The following SAMD8 variants were observed in gnomAD, a reference collection of about 807,000 sequenced individuals.
The protein encoded by SAMD8 is sphingomyelin synthase-related protein 1.
In SAMD8, 20 loss-of-function variants were observed where a neutral mutation model predicts 42.0. That is an observed-to-expected ratio of 0.48 (90% CI 0.34 to 0.69). SAMD8 has a LOEUF of 0.69. Among genes scored for constraint, SAMD8 ranks in the 30% least tolerant of loss-of-function variants. The pLI, the probability that SAMD8 is intolerant of heterozygous loss-of-function variation, is 0.01. For synonymous variants in SAMD8, 162 were observed against 173.0 expected (o/e 0.94, Z 0.50); for missense variants, 328 against 511.6 (o/e 0.64, Z 3.46).
chr10:75,102,409 C>T (rs539258287), intron 1 of SAMD8, among the ~76,000 whole-genome samples: 2 of 152,054 alleles, frequency 1.3e-5, no homozygotes, highest in Non-Finnish European at 2.9e-5. Flanking sequence ...CGCCACTGCA[C>T]TCCAGCCTGG....
intron 1 of SAMD8, among the ~76,000 whole-genome samples, chr10:75,145,426 C>T (rs1255174539): frequency 2.0e-5 from 3 of 152,116 alleles, no homozygotes; most frequent in African/African-American, 7.2e-5. Context: ...TGAATAGATT[C>T]CAGACATTAT....
chr10:75,158,052 G>A (rs201835996), intron 2 of SAMD8, among the ~76,000 whole-genome samples: 14 of 151,806 alleles, frequency 9.2e-5, no homozygotes, highest in African/African-American at 3.1e-4. Flanking sequence ...CCAGCTACTC[G>A]GGAGGCTGAG....
intron 1 of SAMD8, among the ~76,000 whole-genome samples, chr10:75,135,052 C>T (rs1421489468): frequency 6.6e-6 from 1 of 151,584 alleles, no homozygotes; most frequent in Non-Finnish European, 1.5e-5. Context: ...GAGAACAAGA[C>T]CCTGTCTCTA....
intron 2 of SAMD8, among the ~76,000 whole-genome samples, chr10:75,160,259 C>T (rs998419851): frequency 2.6e-5 from 4 of 151,948 alleles, no homozygotes; most frequent in African/African-American, 4.8e-5. Context: ...TGCAGTGGCG[C>T]GATCTCGGCT....
Position 75,152,261 on chromosome 10 carries a change from G to A in SAMD8, c.578+1155G>A, listed in dbSNP as rs184302923. ...AATAGGGCCGGGCGCGGTGGCTCAC[G>A]CCTGTAATCCCAGCACTTTGGGAGG... On this transcript the variant is annotated intron_variant, in intron 2 of 5. Coordinates refer to ENST00000542569, the MANE Select transcript of SAMD8 (RefSeq NM_001174156.2). 3.4e-3 allele frequency among the ~76,000 whole-genome samples: 516 copies of A among 151,398 alleles called. 2 individuals carry two copies. The highest frequency in any genetic ancestry group is 0.011 in the African/African-American group (472 of 41,450).
chr10:75,175,424 T>C (rs535214950), intron 4 of SAMD8, among the ~76,000 whole-genome samples: 2 of 152,318 alleles, frequency 1.3e-5, no homozygotes, highest in East Asian at 1.9e-4. Context: ...TACTGTGATA[T>C]TGGATTAAAA....
At chr10:75,103,789 T>G (rs1285874768) in intron 1 of SAMD8, 4 of 926,280 alleles carry the variant, frequency 4.3e-6, no homozygotes, top group Non-Finnish European at 5.8e-6. Flanking sequence ...ATCACAAATA[T>G]CTGGAACCCC....
At chr10:75,170,314 G>T (rs1840819350) in intron 4 of SAMD8, among the ~76,000 whole-genome samples, 1 of 152,182 alleles carries the variant, frequency 6.6e-6, no homozygotes, top group South Asian at 2.1e-4. Flanking sequence ...GTTTGTAACA[G>T]CATTCACGTT....
chr10:75,119,396 A>G (rs7072667), intron 1 of SAMD8, among the ~76,000 whole-genome samples: 28,689 of 152,030 alleles, frequency 0.19, 2,946 homozygotes, highest in East Asian at 0.26. Context: ...ACCTCAGGTG[A>G]CCTGCCCGCC....
At chr10:75,141,220 C>T (rs887981750) in intron 1 of SAMD8, among the ~76,000 whole-genome samples, 16 of 151,836 alleles carry the variant, frequency 1.1e-4, no homozygotes, top group African/African-American at 3.4e-4. Flanking sequence ...AAGTGTGGTG[C>T]GCATGCACCT....
At chr10:75,166,371 T>C (rs1291185691) in intron 3 of SAMD8, among the ~76,000 whole-genome samples, 1 of 151,012 alleles carries the variant, frequency 6.6e-6, no homozygotes, top group African/African-American at 2.4e-5. Context: ...TAAAAAACTG[T>C]AGATATGTGA....
intron 4 of SAMD8, 51 bp downstream of exon 4, chr10:75,168,709 A>G (rs776126942): frequency 2.7e-6 from 3 of 1,119,480 alleles, no homozygotes; most frequent in South Asian, 2.5e-5. Context: ...TTGATGGCAC[A>G]CTATATGCAA....
intron 1 of SAMD8, among the ~76,000 whole-genome samples, chr10:75,147,598 T>C (rs1329932872): frequency 6.6e-6 from 1 of 152,116 alleles, no homozygotes. Context: ...AGTGCTGGGA[T>C]AGGCGTGAGC....
intron 4 of SAMD8, among the ~76,000 whole-genome samples, chr10:75,172,952 G>A (rs1481307872): frequency 1.3e-5 from 2 of 152,018 alleles, no homozygotes; most frequent in Non-Finnish European, 2.9e-5. Flanking sequence ...TTTTAAAGAA[G>A]AAAAATATAA....
At chr10:75,116,961 C>T (rs1299738846) in intron 1 of SAMD8, among the ~76,000 whole-genome samples, 1 of 152,046 alleles carries the variant, frequency 6.6e-6, no homozygotes, top group Non-Finnish European at 1.5e-5. Context: ...AGGCGCGTGC[C>T]ACCATGCTCG....
At chr10:75,100,609 G>A (rs771993747) in intron 1 of SAMD8, among the ~76,000 whole-genome samples, 17 of 152,146 alleles carry the variant, frequency 1.1e-4, no homozygotes, top group East Asian at 1.9e-4. Context: ...GCCAGGGCCC[G>A]GCCGAGCTCC....
At chr10:75,138,791 A>G (rs1296366649) in intron 1 of SAMD8, among the ~76,000 whole-genome samples, 2 of 152,196 alleles carry the variant, frequency 1.3e-5, no homozygotes, top group African/African-American at 4.8e-5. Flanking sequence ...GAGGTCACCC[A>G]AAAGATAAGA....
chr10:75,161,059 C>A (rs1564692219), intron 2 of SAMD8, among the ~76,000 whole-genome samples: 1 of 151,934 alleles, frequency 6.6e-6, no homozygotes, highest in Non-Finnish European at 1.5e-5. Flanking sequence ...CAGAGTGAGA[C>A]CCTGTCTCAA....
chr10:75,114,196 A>G (rs947945596), intron 1 of SAMD8, among the ~76,000 whole-genome samples: 3 of 152,010 alleles, frequency 2.0e-5, no homozygotes, highest in Admixed American at 6.6e-5. Flanking sequence ...AGAATTAATC[A>G]GGTGTGGTGG....
Sources: gnomAD v4.1 joint callset for allele counts (sites outside exome capture counted in the v4.1 genomes callset) on GRCh38, gnomAD v4.1.1 for gene constraint, MANE v1.5 for transcripts, NCBI Gene and HGNC (gene_info 2026-07-23, HGNC 2026-07-21) for gene names.